The following PGGT1B variants were observed in gnomAD, a reference collection of about 807,000 sequenced individuals.
PGGT1B encodes the protein protein geranylgeranyltransferase type I subunit beta, also known as geranylgeranyl transferase type-1 subunit beta.
Under a neutral mutation model 46.1 loss-of-function variants are expected in PGGT1B, and 30 were observed. That is an observed-to-expected ratio of 0.65 (90% CI 0.49 to 0.88). PGGT1B has a LOEUF of 0.88. Ranked by LOEUF, PGGT1B falls within the 40% of genes least tolerant of loss-of-function variation. The pLI is 0.00. For missense variants in PGGT1B, 376 were observed against 455.9 expected (o/e 0.82, Z 1.60); for synonymous variants, 170 against 160.0 (o/e 1.06, Z -0.47).
chr5:115,252,890 A>C, intron 2 of PGGT1B: 1 of 407,862 alleles, frequency 2.5e-6, no homozygotes, highest in South Asian at 3.2e-5. Context: ...GGAAGTATAC[A>C]ACATAGTATG....
At chr5:115,215,848 A>G (rs1240211572) in intron 8 of PGGT1B, among the ~76,000 whole-genome samples, 2 of 152,214 alleles carry the variant, frequency 1.3e-5, no homozygotes, top group Admixed American at 1.3e-4. Context: ...CATATTTGTA[A>G]CTAATTCTTT....
Position 115,253,198 on chromosome 5 carries a change from C to T in PGGT1B, c.198G>A (p.Val66=), listed in dbSNP as rs747794133. 5 of 1,602,180 alleles carry T rather than the reference C, an allele frequency of 3.1e-6. No individual in the cohort carries two copies. In the African/African-American group the frequency reaches 5.4e-5, roughly 17 times the overall value. ...SGLDMLDSLD[V]VNKDDIIEWI... Reference sequence around the variant, plus strand: ...ACTCTATTATATCATCTTTGTTCACCACATCTAAGGAATCCAACATATCCA... The same window carrying T: ...ACTCTATTATATCATCTTTGTTCACTACATCTAAGGAATCCAACATATCCA... The change falls in exon 2 of 9, where the codon GTG becomes GTA. Residue 66 remains valine, a synonymous_variant. Coordinates refer to ENST00000419445, the MANE Select transcript of PGGT1B (RefSeq NM_005023.4).
At chr5:115,253,311 G>A in intron 1 of PGGT1B, 56 bp from the exon 2 acceptor site, 1 of 1,338,668 alleles carries the variant, frequency 7.5e-7, no homozygotes, top group Non-Finnish European at 1.0e-6. Flanking sequence ...TAAGTCTGAA[G>A]TCTTCCTGGT....
chr5:115,248,058 G>A (rs1015723415), intron 2 of PGGT1B, among the ~76,000 whole-genome samples: 7 of 152,048 alleles, frequency 4.6e-5, no homozygotes, highest in African/African-American at 1.7e-4. Context: ...TAAAAAGTGA[G>A]CCATCTGAAG....
chr5:115,253,646 A>G (rs191762128), intron 1 of PGGT1B, among the ~76,000 whole-genome samples: 11 of 152,178 alleles, frequency 7.2e-5, no homozygotes, highest in African/African-American at 2.4e-4. Context: ...TGTCAGGATC[A>G]ATTATAGCTT....
At chr5:115,222,652 G>GTA in intron 6 of PGGT1B, among the ~76,000 whole-genome samples, 1 of 152,246 alleles carries the variant, frequency 6.6e-6, no homozygotes, top group Non-Finnish European at 1.5e-5. Flanking sequence ...TATAAATCAT[G>GTA]CTGCTATAAA....
chr5:115,215,420 T>C (rs932815534), intron 8 of PGGT1B, among the ~76,000 whole-genome samples: 4 of 152,126 alleles, frequency 2.6e-5, no homozygotes, highest in African/African-American at 9.7e-5. Flanking sequence ...TGCCCCAGCC[T>C]CCCAAGTAGT....
chr5:115,253,875 A>G (rs936292431), intron 1 of PGGT1B, among the ~76,000 whole-genome samples: 1 of 152,020 alleles, frequency 6.6e-6, no homozygotes, highest in Admixed American at 6.5e-5. Context: ...TGTACACTAT[A>G]AATCAGAAAT....
chr5:115,225,074 GTTCT>G (rs1410725369), intron 6 of PGGT1B, among the ~76,000 whole-genome samples: 3 of 152,050 alleles, frequency 2.0e-5, no homozygotes, highest in African/African-American at 7.2e-5. Context: ...TACTAGAATT[GTTCT>G]TTATTATAAT....
Position 115,260,158 on chromosome 5 carries a change from G to A in PGGT1B, c.140+2554C>T, listed in dbSNP as rs78742367. 2.9e-3 allele frequency among the ~76,000 whole-genome samples: 438 copies of A among 152,252 alleles called. 2 individuals are homozygous for A. Among genetic ancestry groups the A allele is most frequent in the African/African-American group, 0.01 (417 of 41,558 alleles). On this transcript the variant is annotated intron_variant, in intron 1 of 8. Coordinates refer to ENST00000419445, the MANE Select transcript of PGGT1B (RefSeq NM_005023.4). The stretch of plus-strand genomic sequence containing the variant: ...ACAATACACTCTTTATTTTCATAAA[G>A]TCATTGTCACTAGAAAAGTAAAAAT...
intron 2 of PGGT1B, among the ~76,000 whole-genome samples, chr5:115,244,964 T>C (rs1296030582): frequency 6.6e-6 from 1 of 152,218 alleles, no homozygotes; most frequent in East Asian, 1.9e-4. Flanking sequence ...CGTATTTTCC[T>C]ATATGATTAA....
chr5:115,244,314 A>C (rs1490656562), intron 2 of PGGT1B, among the ~76,000 whole-genome samples: 2 of 150,608 alleles, frequency 1.3e-5, no homozygotes, highest in Non-Finnish European at 3.0e-5. Context: ...AAATACAAAA[A>C]ATTAGCTGGG....
chr5:115,235,092 G>A (rs1260519549), intron 5 of PGGT1B, among the ~76,000 whole-genome samples: 1 of 151,974 alleles, frequency 6.6e-6, no homozygotes, highest in African/African-American at 2.4e-5. Flanking sequence ...GGAATATCTT[G>A]TGCCAGAAAG....
chr5:115,261,105 G>A (rs1748538191), intron 1 of PGGT1B, among the ~76,000 whole-genome samples: 1 of 152,132 alleles, frequency 6.6e-6, no homozygotes, highest in Non-Finnish European at 1.5e-5. Context: ...CAGGATGGAA[G>A]ACTTTTTATC....
At chr5:115,262,673 G>C (rs772311637) in intron 1 of PGGT1B, 39 bp downstream of exon 1, 8 of 1,573,032 alleles carry the variant, frequency 5.1e-6, no homozygotes, top group Non-Finnish European at 6.9e-6. Context: ...GCTGGAGCCC[G>C]GGCCTTGTGC....
chr5:115,257,605 G>A (rs1049428399), intron 1 of PGGT1B, among the ~76,000 whole-genome samples: 8 of 150,442 alleles, frequency 5.3e-5, no homozygotes, highest in African/African-American at 2.0e-4. Context: ...TAGTCATACT[G>A]ATATAAGAAA....
intron 8 of PGGT1B, among the ~76,000 whole-genome samples, chr5:115,216,562 T>C (rs1756425011): frequency 6.6e-6 from 1 of 152,216 alleles, no homozygotes; most frequent in East Asian, 1.9e-4. Context: ...ATAATTCTCT[T>C]CTTTGGAAAG....
chr5:115,234,392 T>A (rs1757108692), intron 5 of PGGT1B, among the ~76,000 whole-genome samples: 1 of 151,926 alleles, frequency 6.6e-6, no homozygotes, highest in Non-Finnish European at 1.5e-5. Context: ...GAGGGGGGAA[T>A]ACAGGGAGGG....
chr5:115,252,423 T>G (rs551426556), intron 2 of PGGT1B, among the ~76,000 whole-genome samples: 1 of 152,002 alleles, frequency 6.6e-6, no homozygotes, highest in Non-Finnish European at 1.5e-5. Context: ...TTACATATGA[T>G]TACTCTAACC....
Sources: allele counts gnomAD v4.1 joint callset (sites outside exome capture counted in the v4.1 genomes callset), GRCh38; gene constraint gnomAD v4.1.1; transcripts MANE v1.5; gene names NCBI Gene and HGNC (gene_info 2026-07-23, HGNC 2026-07-21).